NFRKB: variants seen among roughly 807,000 people sequenced by gnomAD.
The protein encoded by NFRKB is nuclear factor related to kappa-B-binding protein.
Under a neutral mutation model 135.7 loss-of-function variants are expected in NFRKB, and 62 were observed. The observed-to-expected ratio is 0.46, with a 90% CI of 0.37 to 0.56. The LOEUF is 0.56. Ranked by LOEUF, NFRKB falls within the 20% of genes least tolerant of loss-of-function variation. NFRKB has a pLI of 0.00. For synonymous variants in NFRKB, 678 were observed against 635.6 expected (o/e 1.07, Z -1.00); for missense variants, 1,545 against 1,662.0 (o/e 0.93, Z 1.22).
rs749648754 is a variant in NFRKB, at chr11:129,873,892, T to C, written c.2403A>G (p.Gly801=). ...GGGCCACCACTCGCACCTGAGACAG[T>C]CCAGCAGAGCCAGAGTGGCTCACGA... The part of the protein sequence containing the change: ...ARVVSHSGSA[G]LSQVRVVAQP... Residue 801 remains glycine (G), a synonymous_variant, in exon 22 of 27, where the codon GGA becomes GGG. Transcript: ENST00000682444. The C allele has an allele frequency of 1.3e-5, 21 of 1,613,910 alleles. No individual in the cohort carries two copies. The highest frequency in any genetic ancestry group is 1.7e-5 in the Non-Finnish European group (20 of 1,180,030).
intron 4 of NFRKB, among the ~76,000 whole-genome samples, chr11:129,888,049 A>G (rs1317763631): frequency 6.6e-6 from 1 of 152,214 alleles, no homozygotes; most frequent in Admixed American, 6.5e-5. Flanking sequence ...AGAAAAGAAA[A>G]GAAAATTTGA....
chr11:129,873,238 T>C, intron 22 of NFRKB, 142 bp from the exon 23 acceptor site: 2 of 648,838 alleles, frequency 3.1e-6, no homozygotes, highest in South Asian at 2.1e-5. Flanking sequence ...CACCACTCTC[T>C]AAAATGGACA....
intron 4 of NFRKB, 87 bp downstream of exon 4, chr11:129,888,507 G>A: frequency 7.8e-7 from 1 of 1,282,026 alleles, no homozygotes; most frequent in South Asian, 1.2e-5. Flanking sequence ...AAGATAAAAA[G>A]AAGAAAAGGA....
intron 23 of NFRKB, chr11:129,872,675 A>G (rs1344940094): frequency 6.0e-6 from 3 of 501,022 alleles, no homozygotes; most frequent in African/African-American, 5.7e-5. Context: ...AATTAAACGG[A>G]ATGAAACAGA....
chr11:129,878,609 T>G, intron 13 of NFRKB, 66 bp from the exon 14 acceptor site: 1 of 1,300,924 alleles, frequency 7.7e-7, no homozygotes, highest in Non-Finnish European at 1.1e-6. Context: ...TCCTGCTTTC[T>G]CTTTACTAGC....
intron 25 of NFRKB, 123 bp from the exon 26 acceptor site, chr11:129,865,224 T>C (rs1948135356): frequency 4.9e-6 from 6 of 1,217,184 alleles, no homozygotes; most frequent in East Asian, 2.5e-5. Context: ...GCATTTCAGA[T>C]TGAAATGGAA....
chr11:129,891,568 G>A (rs111782498), intron 3 of NFRKB, among the ~76,000 whole-genome samples: 1 of 152,150 alleles, frequency 6.6e-6, no homozygotes. Flanking sequence ...TGGATTCCCT[G>A]AGTCACCAGG....
intron 6 of NFRKB, among the ~76,000 whole-genome samples, chr11:129,885,156 A>T (rs1949213004): frequency 6.6e-6 from 1 of 152,098 alleles, no homozygotes; most frequent in Non-Finnish European, 1.5e-5. Context: ...CACTGTGGAG[A>T]ACCCCGTCGT....
At chr11:129,872,690 A>C (rs1948571984) in intron 23 of NFRKB, 194 bp downstream of exon 23, 2 of 532,756 alleles carry the variant, frequency 3.8e-6, no homozygotes, top group African/African-American at 3.8e-5. Context: ...AACAGAAGAA[A>C]TCTCTTCAGC....
chr11:129,885,955 T>TA (rs1429616698), intron 5 of NFRKB, among the ~76,000 whole-genome samples: 2 of 152,198 alleles, frequency 1.3e-5, no homozygotes, highest in African/African-American at 2.4e-5. Context: ...TTGGGCCTGT[T>TA]ATGCTACCAT....
chr11:129,871,597 C>A (rs1948510536), intron 23 of NFRKB, among the ~76,000 whole-genome samples: 1 of 152,158 alleles, frequency 6.6e-6, no homozygotes, highest in South Asian at 2.1e-4. Context: ...CAGACCCCTA[C>A]TCAAGCCACC....
chr11:129,877,670 C>T (rs78645518), intron 15 of NFRKB, among the ~76,000 whole-genome samples: 1 of 152,032 alleles, frequency 6.6e-6, no homozygotes, highest in African/African-American at 2.4e-5. Flanking sequence ...TAAGTAGGTC[C>T]GTTCTAAAGG....
At position 129,878,674 on chromosome 11, in the gene NFRKB, C is replaced by T. The variant is rs549268016; in HGVS notation, c.1385-131G>A. ...GGAGCTGTAGCAACAATCCTTCACA[C>T]ATCCACTGCCTTCCAGCTGGCGGAA... On this transcript the variant is annotated intron_variant, in intron 13 of 26. Coordinates refer to ENST00000682444, the MANE Select transcript of NFRKB (RefSeq NM_001143835.2). 1.3e-4 allele frequency: 100 copies of T among 762,542 alleles called. No individual in the cohort carries two copies. The East Asian group carries it at 2.5e-3, about 19-fold the overall frequency. The allele number at this position is 762,542 out of a possible 1,614,324, so 47.2% of individuals were successfully genotyped here.
rs1261922137 is a variant in NFRKB at position 129,869,767 on chromosome 11, G to C, written c.3258C>G (p.Ala1086=). ...TVASSEAKPA[A]TIRIVQGLGV... is the part of the protein sequence containing the mutation. The stretch of plus-strand genomic sequence containing the variant: ...CCAGTCCCTGCACGATGCGGATCGT[G>C]GCAGCTGGTTTTGCTTCTGAAGAGG... Residue 1086 remains alanine (A), a synonymous_variant, in exon 24 of 27, where the codon GCC becomes GCG. Coordinates refer to ENST00000682444, the MANE Select transcript of NFRKB (RefSeq NM_001143835.2). 3 of 1,614,266 alleles carry C rather than the reference G, an allele frequency of 1.9e-6. No individual in the cohort carries two copies. The highest frequency in any genetic ancestry group is 8.5e-7 in the Non-Finnish European group (1 of 1,180,054).
chr11:129,869,073 G>C (rs1038982315), intron 24 of NFRKB, among the ~76,000 whole-genome samples: 1 of 152,074 alleles, frequency 6.6e-6, no homozygotes, highest in Non-Finnish European at 1.5e-5. Flanking sequence ...GTCTCTCATG[G>C]GTGTTTTTTA....
At chr11:129,888,910 A>C in intron 3 of NFRKB, 115 bp from the exon 4 acceptor site, 1 of 743,048 alleles carries the variant, frequency 1.3e-6, no homozygotes, top group Non-Finnish European at 2.2e-6. Context: ...AACCATTTTT[A>C]AGTGTAGACT....
rs767965869 is a variant in NFRKB, at chr11:129,888,731, C to A, written c.200G>T (p.Arg67Leu). The change falls in exon 4 of 27, where the codon CGT becomes CTT. Residue 67 changes from arginine to leucine, a missense_variant. By Grantham distance (102) the Arg-to-Leu change is moderately radical. This residue lies in a region of NFRKB where 678 missense variants were observed against 646.7 expected (regional missense o/e 1.05). Coordinates refer to ENST00000682444, the MANE Select transcript of NFRKB (RefSeq NM_001143835.2). ...TWQEVLSDSQ[R>L]EHLQQFLPQF... is the part of the protein sequence containing the mutation. ...GGGCAGAAACTGCTGGAGGTGTTCA[C>A]GTTGAGAATCACTTAACACTTCCTG... 3.1e-6 allele frequency: 5 copies of A among 1,614,100 alleles called. No homozygotes were observed. The South Asian group carries it at 4.4e-5, about 14-fold the overall frequency.
intron 13 of NFRKB, among the ~76,000 whole-genome samples, chr11:129,879,579 C>T (rs1464014259): frequency 6.6e-6 from 1 of 152,108 alleles, no homozygotes; most frequent in African/African-American, 2.4e-5. Flanking sequence ...GGCAAATGAC[C>T]ACTCCCCACT....
chr11:129,885,382 T>G, intron 6 of NFRKB, 53 bp downstream of exon 6: 3 of 1,542,984 alleles, frequency 1.9e-6, no homozygotes, highest in Non-Finnish European at 2.6e-6. Flanking sequence ...ACCGGACAAG[T>G]GGCCGGTATC....
Sources: allele counts gnomAD v4.1 joint callset (sites outside exome capture counted in the v4.1 genomes callset), GRCh38; gene constraint gnomAD v4.1.1; regional missense constraint gnomAD v4.1.1; transcripts MANE v1.5; gene names NCBI Gene and HGNC (gene_info 2026-07-23, HGNC 2026-07-21).